SNTG1: variants seen among roughly 807,000 people sequenced by gnomAD.
The protein encoded by SNTG1 is gamma-1-syntrophin.
Under a neutral mutation model 74.7 loss-of-function variants are expected in SNTG1, and 39 were observed. The ratio of observed to expected loss-of-function variants is 0.52; its 90% CI spans 0.40 to 0.68. SNTG1 has a LOEUF of 0.68. Among genes scored for constraint, SNTG1 ranks in the 30% least tolerant of loss-of-function variants. The probability of loss-of-function intolerance (pLI) is 0.00; values close to 1 mark genes in which losing one functional copy is unlikely to be tolerated. For missense variants in SNTG1, 685 were observed against 609.5 expected (o/e 1.12, Z -1.30); for synonymous variants, 254 against 217.1 (o/e 1.17, Z -1.49).
intron 2 of SNTG1, among the ~76,000 whole-genome samples, chr8:50,386,845 C>G (rs563291975): frequency 6.6e-6 from 1 of 152,062 alleles, no homozygotes; most frequent in Non-Finnish European, 1.5e-5. Context: ...ACCGGGCCCA[C>G]CTTCCACACT....
At chr8:50,177,816 A>T (rs2131692635) in intron 2 of SNTG1, among the ~76,000 whole-genome samples, 1 of 152,288 alleles carries the variant, frequency 6.6e-6, no homozygotes, top group East Asian at 1.9e-4. Flanking sequence ...CCATCATTAC[A>T]GTGTCATGCA....
rs1030673625 is a variant in SNTG1 at position 50,088,810 on chromosome 8, C to T, written c.-102-83751C>T. ...GCTCATGGGTAGGAAGAATCAATAT[C>T]GTGAAAATGGCCATACTGCCCAAGG... On this transcript the variant is annotated intron_variant, in intron 1 of 18. Coordinates refer to ENST00000642720, the MANE Select transcript of SNTG1 (RefSeq NM_018967.5). Among the ~76,000 whole-genome samples the T allele has an allele frequency of 8.0e-4, 119 of 148,090 alleles. 1 individual carries two copies. Among genetic ancestry groups the T allele is most frequent in the Middle Eastern group, 3.4e-3 (1 of 290 alleles).
chr8:50,576,191 T>G lies in SNTG1; in HGVS notation c.811-14688T>G, dbSNP rs540795984. Among the ~76,000 whole-genome samples, 20 of 152,322 alleles carry G rather than the reference T, an allele frequency of 1.3e-4. No individual in the cohort carries two copies. The East Asian group carries it at 3.9e-3, about 29-fold the overall frequency. On this transcript the variant is annotated intron_variant, in intron 12 of 18. Coordinates refer to ENST00000642720, the MANE Select transcript of SNTG1 (RefSeq NM_018967.5). ...AATGGAAGGTCCAGCTTCATGATTTTGCATATGAATTTCCAGTTTTCTTAG... is the reference window on the plus strand; with the variant it reads ...AATGGAAGGTCCAGCTTCATGATTTGGCATATGAATTTCCAGTTTTCTTAG...
At chr8:49,989,903 C>T (rs1225479034) in intron 1 of SNTG1, among the ~76,000 whole-genome samples, 1 of 151,862 alleles carries the variant, frequency 6.6e-6, no homozygotes, top group East Asian at 1.9e-4. Flanking sequence ...AGTCAATATC[C>T]TTTCATGGTA....
At chr8:50,086,836 C>T (rs1196999865) in intron 1 of SNTG1, among the ~76,000 whole-genome samples, 1 of 152,130 alleles carries the variant, frequency 6.6e-6, no homozygotes, top group African/African-American at 2.4e-5. Flanking sequence ...GTGTAAAGTA[C>T]TGAAGGGTTA....
At chr8:50,301,474 C>T (rs2089643050) in intron 2 of SNTG1, among the ~76,000 whole-genome samples, 1 of 152,066 alleles carries the variant, frequency 6.6e-6, no homozygotes, top group Non-Finnish European at 1.5e-5. Context: ...CATCATCATA[C>T]TGTCATTTAA....
intron 1 of SNTG1, among the ~76,000 whole-genome samples, chr8:49,935,918 C>T (rs996315727): frequency 2.2e-4 from 34 of 152,136 alleles, no homozygotes; most frequent in African/African-American, 1.4e-4. Flanking sequence ...TTTAAATGCT[C>T]GGCTGCAATA....
intron 8 of SNTG1, among the ~76,000 whole-genome samples, chr8:50,452,400 G>C (rs985372368): frequency 6.6e-6 from 1 of 152,202 alleles, no homozygotes; most frequent in Non-Finnish European, 1.5e-5. Flanking sequence ...CATAAGCAAA[G>C]CTGCTTGTAA....
At chr8:50,734,706 CTCTA>C (rs1295688294) in intron 17 of SNTG1, among the ~76,000 whole-genome samples, 1 of 144,094 alleles carries the variant, frequency 6.9e-6, no homozygotes, top group East Asian at 2.0e-4. Flanking sequence ...ATATATATCT[CTCTA>C]TATATGGACA....
intron 2 of SNTG1, among the ~76,000 whole-genome samples, chr8:50,204,520 T>C (rs892984881): frequency 2.0e-5 from 3 of 152,168 alleles, no homozygotes; most frequent in Non-Finnish European, 4.4e-5. Context: ...TAAATGTAAA[T>C]TTGTTGAAAA....
intron 2 of SNTG1, among the ~76,000 whole-genome samples, chr8:50,355,264 TTAAA>T (rs1467002284): frequency 2.3e-5 from 3 of 129,216 alleles, no homozygotes; most frequent in East Asian, 2.0e-4. Flanking sequence ...ATTAAATAAA[TTAAA>T]TAGTCATTCA....
chr8:50,788,419 G>GT (rs113026281), intron 18 of SNTG1, among the ~76,000 whole-genome samples: 3,019 of 152,080 alleles, frequency 0.02, 94 homozygotes, highest in African/African-American at 0.065. Context: ...ATGTTACTGT[G>GT]GGAAACAGGT....
intron 12 of SNTG1, among the ~76,000 whole-genome samples, chr8:50,553,856 A>C (rs2094440984): frequency 6.6e-6 from 1 of 152,170 alleles, no homozygotes; most frequent in Admixed American, 6.6e-5. Flanking sequence ...ACTGAGTATC[A>C]ATCTAGGTAT....
chr8:50,686,815 T>C (rs1293436613), intron 15 of SNTG1, among the ~76,000 whole-genome samples: 1 of 152,094 alleles, frequency 6.6e-6, no homozygotes, highest in Non-Finnish European at 1.5e-5. Flanking sequence ...GGTAACCAAA[T>C]AGCAAAAATT....
Position 50,339,783 on chromosome 8 carries a change from G to C in SNTG1, c.-27-54429G>C, listed in dbSNP as rs540335094. On this transcript the variant is annotated intron_variant, in intron 2 of 18. Transcript: ENST00000642720. ...ACGAAAAGCAAGTACATATGTAGTA[G>C]TTATTCATCCTACTATGTCAACAAT... Among the ~76,000 whole-genome samples the C allele has an allele frequency of 5.3e-5, 8 of 152,026 alleles. No homozygotes were observed. In the South Asian group the frequency reaches 1.7e-3, roughly 32 times the overall value.
chr8:49,937,515 A>G (rs1223965086), intron 1 of SNTG1, among the ~76,000 whole-genome samples: 2 of 152,234 alleles, frequency 1.3e-5, no homozygotes, highest in South Asian at 2.1e-4. Context: ...GTGAACTAGA[A>G]CATTTAAAAT....
At chr8:50,165,066 A>C (rs115992255) in intron 1 of SNTG1, among the ~76,000 whole-genome samples, 1,772 of 152,202 alleles carry the variant, frequency 0.012, 27 homozygotes, top group African/African-American at 0.036. Flanking sequence ...CACACACACA[A>C]AAAATGTTGA....
chr8:50,304,689 G>T (rs566009866), intron 2 of SNTG1, among the ~76,000 whole-genome samples: 1 of 152,120 alleles, frequency 6.6e-6, no homozygotes, highest in South Asian at 2.1e-4. Context: ...CCCACTTCTA[G>T]TTCTTGACTT....
chr8:50,336,650 T>G (rs2091154108), intron 2 of SNTG1, among the ~76,000 whole-genome samples: 1 of 152,220 alleles, frequency 6.6e-6, no homozygotes, highest in African/African-American at 2.4e-5. Context: ...GTTCCTTACA[T>G]ATGGTAAACC....
Sources: gnomAD v4.1 joint callset for allele counts (sites outside exome capture counted in the v4.1 genomes callset) on GRCh38, gnomAD v4.1.1 for gene constraint, MANE v1.5 for transcripts, NCBI Gene and HGNC (gene_info 2026-07-23, HGNC 2026-07-21) for gene names.